The following TFEC variants were observed in gnomAD, a reference collection of about 807,000 sequenced individuals.
TFEC encodes transcription factor EC, also known as class E basic helix-loop-helix protein 34.
A neutral mutation model predicts 41.6 loss-of-function variants in TFEC; 31 were observed. The ratio of observed to expected loss-of-function variants is 0.74; its 90% confidence interval spans 0.56 to 1.01. The LOEUF (loss-of-function observed/expected upper bound fraction) is 1.01, where lower values mean the gene tolerates loss of function less well. TFEC is among the 50% of genes least tolerant of loss of function. The pLI, the probability that TFEC is intolerant of heterozygous loss-of-function variation, is 0.00. For missense variants in TFEC, 402 were observed against 404.1 expected (o/e 0.99, Z 0.04); for synonymous variants, 143 against 140.6 (o/e 1.02, Z -0.12).
chr7:115,938,545 A>G lies in TFEC; in HGVS notation c.*2006T>C, dbSNP rs529289510. On this transcript the variant is annotated 3_prime_UTR_variant, in exon 8 of 8. Coordinates refer to ENST00000265440, the MANE Select transcript of TFEC (RefSeq NM_012252.4). Reference sequence around the variant, plus strand: ...TTATTTTTCCATGTCAAACAATAAAATTATTTTAATTCTCCAAATTCTGAG... The same window carrying G: ...TTATTTTTCCATGTCAAACAATAAAGTTATTTTAATTCTCCAAATTCTGAG... 6.6e-6 allele frequency: 1 copy of G among 152,008 alleles called. No individual in the cohort carries two copies. Among genetic ancestry groups the G allele is most frequent in the Admixed American group, 6.6e-5 (1 of 15,224 alleles). 9.4% of individuals were successfully genotyped at this position (152,008 alleles called of 1,614,324 possible).
intron 1 of TFEC, among the ~76,000 whole-genome samples, chr7:115,988,555 AC>A (rs1306969184): frequency 1.3e-5 from 2 of 152,112 alleles, no homozygotes; most frequent in Non-Finnish European, 1.5e-5. Context: ...AAAAAAAGAA[AC>A]AAAAAAGAAT....
upstream of TFEC, among the ~76,000 whole-genome samples, chr7:116,035,194 C>A (rs188101861): frequency 6.6e-6 from 1 of 151,916 alleles, no homozygotes; most frequent in Non-Finnish European, 1.5e-5. Context: ...TTCCCTACTG[C>A]CTAAATTTTG....
intron 1 of TFEC, among the ~76,000 whole-genome samples, chr7:116,124,336 G>A (rs1798169157): frequency 6.6e-6 from 1 of 152,082 alleles, no homozygotes; most frequent in Admixed American, 6.6e-5. Context: ...TGCATTCTAA[G>A]GTAGGACAAA....
intron 3 of TFEC, among the ~76,000 whole-genome samples, chr7:116,080,224 ATTCTAGACATTGGGAAAACCC>A (rs1797056031): frequency 6.6e-6 from 1 of 151,978 alleles, no homozygotes; most frequent in African/African-American, 2.4e-5. Context: ...AACCACAAAA[ATTCTAGACATTGGGAAAACCC>A]TTCTAGACAT....
rs559176624 is a variant in TFEC, at chr7:116,079,968, G to T, written c.198+30740C>A. ...ATACTCACCAAAACAGCATGGTACT[G>T]GTTTAAAAATAGGCACATAGACCAA... On this transcript the variant is annotated intron_variant, in intron 3 of 8. Transcript: ENST00000484212. 2.2e-4 allele frequency among the ~76,000 whole-genome samples: 34 copies of T among 152,096 alleles called. 1 individual carries two copies. In the East Asian group the frequency reaches 6.6e-3, roughly 29 times the overall value.
At chr7:116,130,397 GAGA>G (rs1482178779) in intron 1 of TFEC, among the ~76,000 whole-genome samples, 3 of 152,170 alleles carry the variant, frequency 2.0e-5, no homozygotes, top group East Asian at 3.8e-4. Context: ...CAAATGCAGA[GAGA>G]AGGAGATGAA....
At chr7:116,111,347 T>C (rs561232949) in intron 2 of TFEC, among the ~76,000 whole-genome samples, 4 of 152,058 alleles carry the variant, frequency 2.6e-5, no homozygotes, top group Non-Finnish European at 5.9e-5. Context: ...TATTAAAATA[T>C]GTCAAAAGGA....
chr7:115,985,085 AT>A (rs148639068), intron 1 of TFEC, among the ~76,000 whole-genome samples: 17,645 of 151,848 alleles, frequency 0.12, 1,462 homozygotes, highest in East Asian at 0.38. Context: ...GCCCAGTTTT[AT>A]TTTTTTAATC....
intron 3 of TFEC, among the ~76,000 whole-genome samples, chr7:115,962,894 G>C (rs546539289): frequency 9.6e-4 from 146 of 151,976 alleles, no homozygotes; most frequent in African/African-American, 3.1e-3. Flanking sequence ...GGGTACATAT[G>C]CACAACGTGC....
At chr7:116,113,070 CA>C (rs1471045304) in intron 1 of TFEC, among the ~76,000 whole-genome samples, 1 of 151,796 alleles carries the variant, frequency 6.6e-6, no homozygotes, top group Non-Finnish European at 1.5e-5. Flanking sequence ...TGCATGAAGA[CA>C]AAAGTCCTTG....
chr7:116,131,817 T>C (rs1331345027), intron 1 of TFEC, among the ~76,000 whole-genome samples: 1 of 152,194 alleles, frequency 6.6e-6, no homozygotes, highest in Non-Finnish European at 1.5e-5. Context: ...ATTGCAATAA[T>C]GATTTACAGT....
chr7:115,969,670 A>G (rs1202022516), intron 3 of TFEC, among the ~76,000 whole-genome samples: 1 of 151,968 alleles, frequency 6.6e-6, no homozygotes, highest in African/African-American at 2.4e-5. Flanking sequence ...GCAAGGAGAA[A>G]CAGGATCTGA....
chr7:115,987,090 A>T (rs1019346068), intron 1 of TFEC, among the ~76,000 whole-genome samples: 1 of 152,152 alleles, frequency 6.6e-6, no homozygotes, highest in Non-Finnish European at 1.5e-5. Flanking sequence ...AATAAAATAT[A>T]GTATGGGACT....
intron 1 of TFEC, among the ~76,000 whole-genome samples, chr7:116,121,774 G>A (rs1289086678): frequency 6.6e-6 from 1 of 152,024 alleles, no homozygotes; most frequent in Non-Finnish European, 1.5e-5. Flanking sequence ...TAAAAGAAAT[G>A]AGTCTGGGAT....
intron 3 of TFEC, among the ~76,000 whole-genome samples, chr7:116,102,752 C>T (rs937693979): frequency 6.6e-6 from 1 of 152,142 alleles, no homozygotes; most frequent in Non-Finnish European, 1.5e-5. Flanking sequence ...GAGAAACTAG[C>T]TTATTCATTT....
intron 2 of TFEC, among the ~76,000 whole-genome samples, chr7:115,980,264 T>C (rs933473456): frequency 6.6e-6 from 1 of 152,174 alleles, no homozygotes; most frequent in Non-Finnish European, 1.5e-5. Flanking sequence ...CTCTCTCTAC[T>C]GTCCATCTGG....
chr7:115,963,092 A>G (rs747917019), intron 3 of TFEC, among the ~76,000 whole-genome samples: 3 of 151,702 alleles, frequency 2.0e-5, no homozygotes, highest in African/African-American at 4.8e-5. Flanking sequence ...CTGAGTGAGA[A>G]CATGCAGTGT....
chr7:115,968,646 A>G (rs1792985334), intron 3 of TFEC, among the ~76,000 whole-genome samples: 1 of 151,938 alleles, frequency 6.6e-6, no homozygotes, highest in Non-Finnish European at 1.5e-5. Flanking sequence ...TCAGAGGCTA[A>G]GCAATCATTC....
chr7:116,010,599 T>C (rs995531156), intron 1 of TFEC, among the ~76,000 whole-genome samples: 1 of 152,146 alleles, frequency 6.6e-6, no homozygotes, highest in Non-Finnish European at 1.5e-5. Context: ...GTATGGTCCA[T>C]TATAATTTAT....
Sources: gnomAD v4.1 joint callset for allele counts (sites outside exome capture counted in the v4.1 genomes callset) on GRCh38, gnomAD v4.1.1 for gene constraint, MANE v1.5 for transcripts, NCBI Gene and HGNC (gene_info 2026-07-23, HGNC 2026-07-21) for gene names.